CYP7B1: variants seen among roughly 807,000 people sequenced by gnomAD.
CYP7B1 encodes the protein cytochrome P450 family 7 subfamily B member 1.
CYP7B1 carries 29 observed loss-of-function variants against 42.7 expected under a neutral mutation model. The observed-to-expected ratio is 0.68, with a 90% CI of 0.51 to 0.93. CYP7B1 has a LOEUF of 0.93. CYP7B1 is among the 40% of genes least tolerant of loss of function. The pLI, the probability that CYP7B1 is intolerant of heterozygous loss-of-function variation, is 0.00. For synonymous variants in CYP7B1, 235 were observed against 218.2 expected (o/e 1.08, Z -0.68); for missense variants, 655 against 600.5 (o/e 1.09, Z -0.95).
At chr8:64,597,270 T>C (rs1158411515) in intron 5 of CYP7B1, among the ~76,000 whole-genome samples, 1 of 152,142 alleles carries the variant, frequency 6.6e-6, no homozygotes, top group Admixed American at 6.5e-5. Flanking sequence ...ATTATACCAA[T>C]GTTAGGTAGA....
intron 1 of CYP7B1, among the ~76,000 whole-genome samples, chr8:64,778,885 G>A (rs1228617610): frequency 6.6e-6 from 1 of 152,078 alleles, no homozygotes; most frequent in Non-Finnish European, 1.5e-5. Context: ...GCAAGTGGAT[G>A]CAATAGCCAG....
chr8:64,738,693 C>T (rs1477299420), intron 1 of CYP7B1, among the ~76,000 whole-genome samples: 1 of 152,108 alleles, frequency 6.6e-6, no homozygotes, highest in African/African-American at 2.4e-5. Flanking sequence ...GCTAAATGAA[C>T]TAAAAATCAA....
At chr8:64,624,569 C>T (rs746921443) in intron 1 of CYP7B1, 30 bp from the exon 2 acceptor site, 2 of 1,608,228 alleles carry the variant, frequency 1.2e-6, no homozygotes, top group Non-Finnish European at 1.7e-6. Context: ...GATAAAAGAA[C>T]AAAAGAAAAA....
chr8:64,697,839 C>CA (rs1191010242), intron 1 of CYP7B1, among the ~76,000 whole-genome samples: 1 of 152,200 alleles, frequency 6.6e-6, no homozygotes, highest in Non-Finnish European at 1.5e-5. Flanking sequence ...ACGGACTCTT[C>CA]AGAGTCAATA....
chr8:64,635,606 C>G (rs1805758044), intron 1 of CYP7B1, among the ~76,000 whole-genome samples: 1 of 152,212 alleles, frequency 6.6e-6, no homozygotes, highest in African/African-American at 2.4e-5. Flanking sequence ...CAAAGATATT[C>G]ACTGTTCAAG....
intron 1 of CYP7B1, among the ~76,000 whole-genome samples, chr8:64,691,655 C>G (rs536437652): frequency 8.3e-4 from 126 of 152,214 alleles, no homozygotes; most frequent in Non-Finnish European, 1.0e-3. Context: ...AATACCTCCA[C>G]TTTAGTGTAG....
intron 1 of CYP7B1, among the ~76,000 whole-genome samples, chr8:64,689,366 C>T (rs1806704532): frequency 6.6e-6 from 1 of 152,204 alleles, no homozygotes; most frequent in African/African-American, 2.4e-5. Context: ...ACCATAAGTG[C>T]CTATCTTACA....
chr8:64,730,999 G>C (rs1807401019), intron 1 of CYP7B1, among the ~76,000 whole-genome samples: 1 of 152,078 alleles, frequency 6.6e-6, no homozygotes, highest in Non-Finnish European at 1.5e-5. Flanking sequence ...TCTCCTTCCT[G>C]CTGCCCTGTG....
intron 1 of CYP7B1, among the ~76,000 whole-genome samples, chr8:64,753,490 A>G (rs1410501928): frequency 6.6e-6 from 1 of 152,210 alleles, no homozygotes; most frequent in Non-Finnish European, 1.5e-5. Flanking sequence ...CAGTTTGAGG[A>G]AAAGCAAACC....
intron 1 of CYP7B1, among the ~76,000 whole-genome samples, chr8:64,787,300 C>A (rs1404437881): frequency 1.3e-5 from 2 of 152,196 alleles, no homozygotes; most frequent in African/African-American, 4.8e-5. Flanking sequence ...TGCTCTGCTT[C>A]CTCTTGAACA....
At chr8:64,715,528 T>C (rs1807142061) in intron 1 of CYP7B1, among the ~76,000 whole-genome samples, 1 of 152,192 alleles carries the variant, frequency 6.6e-6, no homozygotes, top group East Asian at 1.9e-4. Context: ...CTACAAAATA[T>C]AGAGAAGAGG....
At position 64,594,656 on chromosome 8, in the gene CYP7B1, G is replaced by A. The variant is rs1213536498; in HGVS notation, c.*1986C>T. Among the ~76,000 whole-genome samples, 1 of 152,120 alleles carries A rather than the reference G, an allele frequency of 6.6e-6. No individual in the cohort carries two copies. Among genetic ancestry groups the A allele is most frequent in the African/African-American group, 2.4e-5 (1 of 41,416 alleles). On this transcript the variant is annotated 3_prime_UTR_variant, in exon 6 of 6. Transcript: ENST00000310193. ...TGTAAGGAGAGTGATCACTCAACTC[G>A]ATGAACCTAGAGTTAAAACAAAAAG...
At chr8:64,789,799 G>C (rs1021398055) in intron 1 of CYP7B1, among the ~76,000 whole-genome samples, 3 of 152,232 alleles carry the variant, frequency 2.0e-5, no homozygotes, top group Non-Finnish European at 4.4e-5. Context: ...GCTTGTGCAG[G>C]TGGTGAATCG....
intron 1 of CYP7B1, among the ~76,000 whole-genome samples, chr8:64,701,293 TCAGTCTCTCC>T (rs1323088145): frequency 6.6e-6 from 1 of 152,016 alleles, no homozygotes; most frequent in African/African-American, 2.4e-5. Flanking sequence ...AATGGCAATT[TCAGTCTCTCC>T]CAGGATAAGA....
chr8:64,688,374 T>TCCTC (rs948077038), intron 1 of CYP7B1, among the ~76,000 whole-genome samples: 2 of 152,068 alleles, frequency 1.3e-5, no homozygotes, highest in Non-Finnish European at 2.9e-5. Flanking sequence ...TTTCCTTCCT[T>TCCTC]CCTCCCTCCC....
intron 1 of CYP7B1, among the ~76,000 whole-genome samples, chr8:64,638,574 A>T (rs1805808265): frequency 1.3e-5 from 2 of 152,148 alleles, no homozygotes; most frequent in Admixed American, 6.6e-5. Context: ...TGTGGAGATA[A>T]GAATAGACAG....
chr8:64,625,067 G>A (rs1342717877), intron 1 of CYP7B1, among the ~76,000 whole-genome samples: 3 of 137,652 alleles, frequency 2.2e-5, no homozygotes, highest in East Asian at 4.8e-4. Context: ...TGCGCCTCCC[G>A]GGTTCACGCC....
In CYP7B1 at chr8:64,647,884, C is replaced by A. The variant is rs376618227; in HGVS notation, c.123-23345G>T. 7.2e-5 allele frequency among the ~76,000 whole-genome samples: 11 copies of A among 152,188 alleles called. 1 individual carries two copies. The East Asian group carries it at 1.4e-3, about 19-fold the overall frequency. On this transcript the variant is annotated intron_variant, in intron 1 of 5. Transcript: ENST00000310193. ...AATATTTAATCTGGGTAGCCATGGC[C>A]CAGTCAAGTTGACACATAAAGCTAA...
At chr8:64,599,723 A>G (rs1461285737) in intron 5 of CYP7B1, among the ~76,000 whole-genome samples, 2 of 152,232 alleles carry the variant, frequency 1.3e-5, no homozygotes, top group African/African-American at 4.8e-5. Context: ...GGTTTGGGAT[A>G]GAATTGTGAA....
Sources: gnomAD v4.1 joint callset for allele counts (sites outside exome capture counted in the v4.1 genomes callset) on GRCh38, gnomAD v4.1.1 for gene constraint, MANE v1.5 for transcripts, NCBI Gene and HGNC (gene_info 2026-07-23, HGNC 2026-07-21) for gene names.